The following PDE8A variants were observed in gnomAD, a reference collection of about 807,000 sequenced individuals.
PDE8A encodes phosphodiesterase 8A.
Under a neutral mutation model 105.0 loss-of-function variants are expected in PDE8A, and 59 were observed. The observed-to-expected ratio is 0.56, with a 90% CI of 0.46 to 0.70. The LOEUF is 0.70. Ranked by LOEUF, PDE8A falls within the 30% of genes least tolerant of loss-of-function variation. The pLI is 0.00. For synonymous variants in PDE8A, 355 were observed against 371.9 expected (o/e 0.95, Z 0.52); for missense variants, 1,014 against 1,045.9 (o/e 0.97, Z 0.42).
intron 1 of PDE8A, among the ~76,000 whole-genome samples, chr15:84,986,612 A>T (rs551968634): frequency 8.6e-6 from 1 of 116,508 alleles, no homozygotes; most frequent in Non-Finnish European, 1.9e-5. Context: ...GGATTAGTCA[A>T]AACTTTTTTT....
intron 1 of PDE8A, among the ~76,000 whole-genome samples, chr15:84,990,668 A>T (rs2079873028): frequency 6.6e-6 from 1 of 152,324 alleles, no homozygotes; most frequent in Admixed American, 6.5e-5. Flanking sequence ...TTTGGCTATT[A>T]TGACTAAAGC....
chr15:85,083,977 A>G (rs1036540319), intron 6 of PDE8A, among the ~76,000 whole-genome samples: 5 of 152,018 alleles, frequency 3.3e-5, no homozygotes, highest in African/African-American at 9.7e-5. Flanking sequence ...ATCTATTAAC[A>G]TTAGTTATCT....
At position 84,995,815 on chromosome 15, in the gene PDE8A, A is replaced by G. The variant is rs573412296; in HGVS notation, c.186+13467A>G. Reference sequence around the variant, plus strand: ...TCCCTGAGTGGCTGGGATTATAGGCATGCACTACTTTACCCTGCCTTGTGG... The same window carrying G: ...TCCCTGAGTGGCTGGGATTATAGGCGTGCACTACTTTACCCTGCCTTGTGG... On this transcript the variant is annotated intron_variant, in intron 1 of 21. Coordinates refer to ENST00000394553, the MANE Select transcript of PDE8A (RefSeq NM_002605.3). 1.6e-4 allele frequency among the ~76,000 whole-genome samples: 24 copies of G among 152,350 alleles called. No individual in the cohort carries two copies. In the South Asian group the frequency reaches 2.5e-3, roughly 16 times the overall value.
intron 6 of PDE8A, among the ~76,000 whole-genome samples, chr15:85,085,162 T>G (rs1204176559): frequency 6.6e-6 from 1 of 152,212 alleles, no homozygotes; most frequent in Non-Finnish European, 1.5e-5. Context: ...AGGGTCTCCA[T>G]GGTCTGTACA....
rs142208793 is a variant in PDE8A, at chr15:85,059,361, A to G, written c.187-5009A>G. Among the ~76,000 whole-genome samples the G allele has an allele frequency of 8.8e-3, 1,333 of 152,278 alleles. 22 individuals are homozygous for G. The highest frequency in any genetic ancestry group is 0.03 in the African/African-American group (1,258 of 41,548). On this transcript the variant is annotated intron_variant, in intron 1 of 21. Coordinates refer to ENST00000394553, the MANE Select transcript of PDE8A (RefSeq NM_002605.3). ...GTTGTTATTGGGTAGCACATTCTGTATATGTCTATTAGATCTTGTTGGTTT... is the reference window on the plus strand; with the variant it reads ...GTTGTTATTGGGTAGCACATTCTGTGTATGTCTATTAGATCTTGTTGGTTT...
chr15:84,989,770 G>T (rs1486077070), intron 1 of PDE8A, among the ~76,000 whole-genome samples: 1 of 152,174 alleles, frequency 6.6e-6, no homozygotes, highest in Non-Finnish European at 1.5e-5. Context: ...TTTCTCAAAG[G>T]CAAACTTGGT....
At position 85,112,124 on chromosome 15, in the gene PDE8A, A is replaced by T. The variant is rs1343938067; in HGVS notation, c.1115-1253A>T. 2.6e-5 allele frequency among the ~76,000 whole-genome samples: 4 copies of T among 152,082 alleles called. No homozygotes were observed. The East Asian group carries it at 7.7e-4, about 29-fold the overall frequency. On this transcript the variant is annotated intron_variant, in intron 12 of 21. Transcript: ENST00000394553. ...TGTATACACAGTCATGACAATCTTT[A>T]TACTTTTTTTCTTACCTTATTGCTC...
At chr15:85,060,632 A>C (rs1325196844) in intron 1 of PDE8A, among the ~76,000 whole-genome samples, 1 of 152,196 alleles carries the variant, frequency 6.6e-6, no homozygotes, top group Non-Finnish European at 1.5e-5. Flanking sequence ...GCAGATAACA[A>C]GGGACAACTG....
intron 19 of PDE8A, among the ~76,000 whole-genome samples, chr15:85,125,753 G>A (rs1289997077): frequency 6.6e-6 from 1 of 152,188 alleles, no homozygotes; most frequent in East Asian, 1.9e-4. Flanking sequence ...TACGGAGGCT[G>A]TTGGGCTGCA....
intron 1 of PDE8A, among the ~76,000 whole-genome samples, chr15:85,018,088 G>A (rs1178599423): frequency 2.0e-5 from 3 of 152,134 alleles, no homozygotes; most frequent in East Asian, 1.9e-4. Flanking sequence ...TGGCTATCAA[G>A]TGAAAAGTAG....
At chr15:85,008,196 G>A (rs1206536377) in intron 1 of PDE8A, among the ~76,000 whole-genome samples, 4 of 151,980 alleles carry the variant, frequency 2.6e-5, no homozygotes, top group Middle Eastern at 3.2e-3. Context: ...GGCCTTTGCA[G>A]AAAGTCCTAT....
chr15:85,108,589 T>C (rs16974870), intron 11 of PDE8A, among the ~76,000 whole-genome samples: 14,002 of 152,190 alleles, frequency 0.092, 1,741 homozygotes, highest in African/African-American at 0.29. Context: ...ATTTGAAATA[T>C]ACCTCAAACA....
At chr15:85,113,087 A>G (rs973026867) in intron 12 of PDE8A, among the ~76,000 whole-genome samples, 4 of 152,202 alleles carry the variant, frequency 2.6e-5, no homozygotes. Context: ...CATAGACACA[A>G]AAAGAGGCTG....
chr15:84,985,523 C>T (rs1043718855), intron 1 of PDE8A, among the ~76,000 whole-genome samples: 1 of 152,138 alleles, frequency 6.6e-6, no homozygotes, highest in African/African-American at 2.4e-5. Context: ...ACTTGAGTTG[C>T]CCTTGAAAGA....
chr15:85,107,175 C>T (rs570379861), intron 11 of PDE8A, among the ~76,000 whole-genome samples: 2 of 152,022 alleles, frequency 1.3e-5, no homozygotes, highest in East Asian at 1.9e-4. Context: ...GGTAACCAGG[C>T]GAAGAAGGTG....
chr15:84,992,489 A>G (rs1310199249), intron 1 of PDE8A, among the ~76,000 whole-genome samples: 1 of 152,182 alleles, frequency 6.6e-6, no homozygotes, highest in African/African-American at 2.4e-5. Flanking sequence ...AGAACTCCCA[A>G]AGGCATTTCA....
chr15:85,126,446 G>C (rs1017044408), intron 20 of PDE8A, 72 bp downstream of exon 20: 8 of 1,112,782 alleles, frequency 7.2e-6, no homozygotes, highest in Non-Finnish European at 9.6e-6. Flanking sequence ...CGAGATAATG[G>C]ACTTAACACT....
At chr15:85,075,234 G>A (rs1157932844) in intron 3 of PDE8A, among the ~76,000 whole-genome samples, 1 of 152,178 alleles carries the variant, frequency 6.6e-6, no homozygotes, top group Non-Finnish European at 1.5e-5. Context: ...TGTACTCTTT[G>A]GGTAACTTTA....
intron 1 of PDE8A, among the ~76,000 whole-genome samples, chr15:85,042,771 G>T (rs2080830127): frequency 1.3e-5 from 2 of 152,144 alleles, no homozygotes; most frequent in Admixed American, 6.5e-5. Context: ...GTACTGCACA[G>T]AGTGCTTCAT....
Sources: allele counts gnomAD v4.1 joint callset (sites outside exome capture counted in the v4.1 genomes callset), GRCh38; gene constraint gnomAD v4.1.1; transcripts MANE v1.5; gene names NCBI Gene and HGNC (gene_info 2026-07-23, HGNC 2026-07-21).